MARCHF6: variants seen among roughly 807,000 people sequenced by gnomAD.
The protein encoded by MARCHF6 is E3 ubiquitin-protein ligase MARCHF6.
Under a neutral mutation model 133.7 loss-of-function variants are expected in MARCHF6, and 31 were observed. The ratio of observed to expected loss-of-function variants is 0.23; its 90% confidence interval spans 0.17 to 0.31. MARCHF6 has a LOEUF of 0.31. Among genes scored for constraint, MARCHF6 ranks in the 10% least tolerant of loss-of-function variants. The pLI, the probability that MARCHF6 is intolerant of heterozygous loss-of-function variation, is 1.00. For synonymous variants in MARCHF6, 395 were observed against 402.5 expected (o/e 0.98, Z 0.22); for missense variants, 723 against 1,121.6 (o/e 0.64, Z 5.08).
In MARCHF6 at chr5:10,397,401, T is replaced by G. The variant is rs1579577471; in HGVS notation, c.913+57T>G. 3.2e-6 allele frequency: 4 copies of G among 1,263,664 alleles called. No homozygotes were observed. The East Asian group carries it at 9.4e-5, about 30-fold the overall frequency. 78.3% of individuals were successfully genotyped at this position (1,263,664 alleles called of 1,614,324 possible). ...GTATTATGGTAGGAATTTAGTTTTG[T>G]AGGAGCCTTGTTATAGGTTTATTAT... is the stretch of plus-strand genomic sequence containing the variant. On this transcript the variant is annotated intron_variant, in intron 10 of 25. Coordinates refer to ENST00000274140, the MANE Select transcript of MARCHF6 (RefSeq NM_005885.4).
At position 10,439,781 on chromosome 5, in the gene MARCHF6, A is replaced by G. The variant is rs556471237; in HGVS notation, c.*6097A>G. On this transcript the variant is annotated 3_prime_UTR_variant, in exon 26 of 26. Coordinates refer to ENST00000274140, the MANE Select transcript of MARCHF6 (RefSeq NM_005885.4). ...ACTCAAAAGTCCACAATAGCCTTCA[A>G]TGCTGGGCAAAACATGAAGCACCCC... 3.3e-4 allele frequency: 50 copies of G among 152,588 alleles called. No individual in the cohort carries two copies. The highest frequency in any genetic ancestry group is 9.6e-4 in the African/African-American group (40 of 41,594). The allele number at this position is 152,588 out of a possible 1,614,324, so 9.5% of individuals were successfully genotyped here.
In MARCHF6 at chr5:10,415,417, C is replaced by T. The variant is rs1281726179; in HGVS notation, c.1967-71C>T. On this transcript the variant is annotated intron_variant, in intron 20 of 25. Coordinates refer to ENST00000274140, the MANE Select transcript of MARCHF6 (RefSeq NM_005885.4). Reference sequence around the variant, plus strand: ...CTTTTTCCTAATGTGAAAATACTAACATAACAACATGAAGATGACAATTCT... The same window carrying T: ...CTTTTTCCTAATGTGAAAATACTAATATAACAACATGAAGATGACAATTCT... 5 of 1,346,682 alleles carry T rather than the reference C, an allele frequency of 3.7e-6. No individual in the cohort carries two copies. In the East Asian group the frequency reaches 1.2e-4, roughly 31 times the overall value. The allele number at this position is 1,346,682 out of a possible 1,614,324, so 83.4% of individuals were successfully genotyped here.
At chr5:10,413,866 T>G (rs1739361986) in intron 19 of MARCHF6, among the ~76,000 whole-genome samples, 1 of 152,198 alleles carries the variant, frequency 6.6e-6, no homozygotes. Context: ...AAGGTGAGAT[T>G]TGAGTGGGGA....
intron 1 of MARCHF6, among the ~76,000 whole-genome samples, chr5:10,356,408 T>TGTTATGTTATGTTATG (rs1561089338): frequency 6.7e-6 from 1 of 149,154 alleles, no homozygotes; most frequent in African/African-American, 2.5e-5. Context: ...TTTTATTTTA[T>TGTTATGTTATGTTATG]TTTCCGAGAT....
At chr5:10,400,929 A>T in intron 11 of MARCHF6, 87 bp downstream of exon 11, 1 of 1,059,690 alleles carries the variant, frequency 9.4e-7, no homozygotes, top group Non-Finnish European at 1.4e-6. Flanking sequence ...GAGTTACATC[A>T]TTTCTTCATT....
chr5:10,435,670 TATATATATATATATATATATATATATA>T lies in MARCHF6; in HGVS notation c.*1987_*2013del, dbSNP rs1561159527. ...ATATATATATATATATATATATATA[TATATATATATATATATATATATATATA>T]TTTTTTTTTTTTTTTTTTTTTTTTT... On this transcript the variant is annotated 3_prime_UTR_variant, in exon 26 of 26. Coordinates refer to ENST00000274140, the MANE Select transcript of MARCHF6 (RefSeq NM_005885.4). 6.5e-3 allele frequency: 88 copies of T among 13,458 alleles called. No homozygotes were observed. Among genetic ancestry groups the T allele is most frequent in the Non-Finnish European group, 0.011 (69 of 6,106 alleles). 0.8% of individuals were successfully genotyped at this position (13,458 alleles called of 1,614,324 possible).
chr5:10,411,537 G>T lies in MARCHF6; in HGVS notation c.1896G>T (p.Arg632Ser). Residue 632 changes from arginine (R) to serine (S), a missense_variant and splice_region_variant, in exon 19 of 26, where the codon AGG (arginine) becomes AGT (serine). Arg to Ser is a moderately radical substitution (Grantham distance 110, BLOSUM62 -1). Around this residue, in one of 4 missense-constraint regions of MARCHF6, gnomAD observed 492 missense variants for 699.5 expected, o/e 0.70. Coordinates refer to ENST00000274140, the MANE Select transcript of MARCHF6 (RefSeq NM_005885.4). The stretch of plus-strand genomic sequence containing the variant: ...GCCGACCTTTAAATTTTCCACTCAG[G>T]GTAGGTGCTATACAGACTTAATCAC... The part of the protein sequence containing the change: ...PYRRPLNFPL[R>S]IFLLIVFMCI... 6.2e-7 allele frequency: 1 copy of T among 1,612,924 alleles called. No individual in the cohort carries two copies. The highest frequency in any genetic ancestry group is 8.5e-7 in the Non-Finnish European group (1 of 1,179,400).
intron 23 of MARCHF6, among the ~76,000 whole-genome samples, chr5:10,425,787 C>A (rs1297144957): frequency 1.3e-5 from 2 of 152,158 alleles, no homozygotes; most frequent in Non-Finnish European, 2.9e-5. Context: ...CCATTTCCAT[C>A]CATTCTTTCC....
chr5:10,385,467 A>C (rs1579557905), intron 4 of MARCHF6, among the ~76,000 whole-genome samples: 1 of 152,174 alleles, frequency 6.6e-6, no homozygotes. Context: ...TAGGGAAATA[A>C]AATTAAATAC....
rs896823046 is a variant in MARCHF6 at position 10,401,876 on chromosome 5, A to T, written c.973-183A>T. 1.4e-5 allele frequency: 8 copies of T among 590,098 alleles called. No homozygotes were observed. The East Asian group carries it at 1.9e-4, about 14-fold the overall frequency. 36.6% of individuals were successfully genotyped at this position (590,098 alleles called of 1,614,324 possible). ...ATTTTTCTTCATTTTTTAGTAATATATAACAGTCAGTGAGAGAATTTGGTT... is the reference window on the plus strand; with the variant it reads ...ATTTTTCTTCATTTTTTAGTAATATTTAACAGTCAGTGAGAGAATTTGGTT... On this transcript the variant is annotated intron_variant, in intron 11 of 25. Transcript: ENST00000274140.
intron 1 of MARCHF6, among the ~76,000 whole-genome samples, chr5:10,365,378 G>A (rs894148948): frequency 2.0e-5 from 3 of 151,858 alleles, no homozygotes; most frequent in African/African-American, 7.3e-5. Flanking sequence ...TTGGCTCACC[G>A]CAACCTCCGC....
chr5:10,371,877 A>G (rs1035968480), intron 1 of MARCHF6, among the ~76,000 whole-genome samples: 1 of 152,144 alleles, frequency 6.6e-6, no homozygotes, highest in Non-Finnish European at 1.5e-5. Context: ...TGGCATCTAT[A>G]ATCCCAGCTA....
rs1183541054 is a variant in MARCHF6, at chr5:10,439,227, A to G, written c.*5543A>G. On this transcript the variant is annotated 3_prime_UTR_variant, in exon 26 of 26. Transcript: ENST00000274140. Reference sequence around the variant, plus strand: ...ACAGAGGTGCAAAGGTCTTGAAAAAATGATGCTGGAATAATTGGGCATCAG... The same window carrying G: ...ACAGAGGTGCAAAGGTCTTGAAAAAGTGATGCTGGAATAATTGGGCATCAG... The G allele has an allele frequency of 6.6e-6, 1 of 152,230 alleles. No individual in the cohort carries two copies. The highest frequency in any genetic ancestry group is 1.5e-5 in the Non-Finnish European group (1 of 68,048). 9.4% of individuals were successfully genotyped at this position (152,230 alleles called of 1,614,324 possible).
Position 10,421,323 on chromosome 5 carries a change from A to G in MARCHF6, c.2284-2412A>G, listed in dbSNP as rs1389315. On this transcript the variant is annotated intron_variant, in intron 22 of 25. Transcript: ENST00000274140. Reference sequence around the variant, plus strand: ...CAAATAAAATGTGGAATATCAATGCAGCAATTGAAAAAATGAAGTAGAGAT... The same window carrying G: ...CAAATAAAATGTGGAATATCAATGCGGCAATTGAAAAAATGAAGTAGAGAT... Among the ~76,000 whole-genome samples the G allele has an allele frequency of 9.2e-5, 14 of 152,366 alleles. No homozygotes were observed. In the East Asian group the frequency reaches 1.7e-3, roughly 19 times the overall value.
In MARCHF6 at chr5:10,436,713, A is replaced by G. The variant is rs1039423434; in HGVS notation, c.*3029A>G. The G allele has an allele frequency of 6.6e-6, 1 of 152,190 alleles. No homozygotes were observed. Among genetic ancestry groups the G allele is most frequent in the East Asian group, 1.9e-4 (1 of 5,206 alleles). 9.4% of individuals were successfully genotyped at this position (152,190 alleles called of 1,614,324 possible). On this transcript the variant is annotated 3_prime_UTR_variant, in exon 26 of 26. Transcript: ENST00000274140. ...TTTGATTTTTAAACTATTTAGTACTAATAGTTGAGATGAAAACTGAAGAAA... is the reference window on the plus strand; with the variant it reads ...TTTGATTTTTAAACTATTTAGTACTGATAGTTGAGATGAAAACTGAAGAAA...
intron 8 of MARCHF6, among the ~76,000 whole-genome samples, chr5:10,394,372 C>A (rs1579572692): frequency 1.3e-5 from 2 of 152,140 alleles, no homozygotes; most frequent in South Asian, 4.1e-4. Flanking sequence ...AAATGTTTTA[C>A]CTGAAATTGT....
intron 7 of MARCHF6, among the ~76,000 whole-genome samples, chr5:10,393,793 T>G (rs535845944): frequency 6.6e-6 from 1 of 152,234 alleles, no homozygotes; most frequent in African/African-American, 2.4e-5. Context: ...CCAGATTCTT[T>G]CCTGGCTTAG....
chr5:10,358,286 T>G (rs758419937), intron 1 of MARCHF6, among the ~76,000 whole-genome samples: 4 of 152,096 alleles, frequency 2.6e-5, no homozygotes, highest in African/African-American at 9.7e-5. Flanking sequence ...CAGAAAGATA[T>G]GGAGCCAATG....
At chr5:10,391,884 A>T (rs1039510735) in intron 7 of MARCHF6, among the ~76,000 whole-genome samples, 153 bp downstream of exon 7, 1 of 151,608 alleles carries the variant, frequency 6.6e-6, no homozygotes, top group Non-Finnish European at 1.5e-5. Flanking sequence ...GCATTTATGG[A>T]TGTACATATG....
Sources: gnomAD v4.1 joint callset for allele counts (sites outside exome capture counted in the v4.1 genomes callset) on GRCh38, gnomAD v4.1.1 for gene constraint, gnomAD v4.1.1 regional missense constraint, MANE v1.5 for transcripts, NCBI Gene and HGNC (gene_info 2026-07-23, HGNC 2026-07-21) for gene names.